CAMK1D: variants seen among roughly 807,000 people sequenced by gnomAD.
CAMK1D encodes calcium/calmodulin-dependent protein kinase type 1D.
CAMK1D carries 9 observed loss-of-function variants against 47.7 expected under a neutral mutation model. The observed-to-expected ratio is 0.19, with a 90% CI of 0.11 to 0.33. CAMK1D has a LOEUF of 0.33. Ranked by LOEUF, CAMK1D falls within the 10% of genes least tolerant of loss-of-function variation. The pLI is 1.00. For synonymous variants in CAMK1D, 184 were observed against 184.9 expected (o/e 0.99, Z 0.04); for missense variants, 291 against 488.7 (o/e 0.60, Z 3.81).
chr10:12,552,612 C>T (rs1417924486), intron 1 of CAMK1D, among the ~76,000 whole-genome samples: 1 of 152,212 alleles, frequency 6.6e-6, no homozygotes, highest in Admixed American at 6.5e-5. Flanking sequence ...CTTGTTGGCT[C>T]CAAAGTGACG....
At chr10:12,615,273 A>G (rs931066563) in intron 2 of CAMK1D, among the ~76,000 whole-genome samples, 2 of 152,214 alleles carry the variant, frequency 1.3e-5, no homozygotes, top group Non-Finnish European at 2.9e-5. Context: ...GGAATTCACT[A>G]TTTTTGACCC....
At chr10:12,682,526 G>C (rs1448736072) in intron 3 of CAMK1D, among the ~76,000 whole-genome samples, 1 of 152,192 alleles carries the variant, frequency 6.6e-6, no homozygotes, top group African/African-American at 2.4e-5. Flanking sequence ...TTACAATTCA[G>C]AATTTGCTCA....
chr10:12,727,997 C>G (rs540674847), intron 3 of CAMK1D, among the ~76,000 whole-genome samples: 1 of 152,146 alleles, frequency 6.6e-6, no homozygotes. Flanking sequence ...GACTCCTGAC[C>G]TCCAATGATC....
rs566585314 is a variant in CAMK1D at position 12,588,789 on chromosome 10, TACACAC to T, written c.224+35449_224+35454del. Among the ~76,000 whole-genome samples, 1,027 of 145,538 alleles carry T rather than the reference TACACAC, an allele frequency of 7.1e-3. 8 individuals carry two copies. Among genetic ancestry groups the T allele is most frequent in the Middle Eastern group, 0.049 (14 of 288 alleles). ...TTTAAAGTGCATATGTATATATATA[TACACAC>T]ACACACACACACACATACACACATG... On this transcript the variant is annotated intron_variant, in intron 2 of 10. Coordinates refer to ENST00000619168, the MANE Select transcript of CAMK1D (RefSeq NM_153498.4).
chr10:12,597,034 G>A (rs144858497), intron 2 of CAMK1D, among the ~76,000 whole-genome samples: 7 of 152,106 alleles, frequency 4.6e-5, no homozygotes, highest in African/African-American at 9.6e-5. Flanking sequence ...TTCATCCAAC[G>A]TTTATTGAGC....
At chr10:12,520,128 C>T (rs1293446354) in intron 1 of CAMK1D, among the ~76,000 whole-genome samples, 3 of 79,234 alleles carry the variant, frequency 3.8e-5, no homozygotes, top group Admixed American at 1.2e-4. Flanking sequence ...CTCCTCACTT[C>T]CCAGATGGGG....
chr10:12,815,915 G>T (rs1310102974), intron 7 of CAMK1D, among the ~76,000 whole-genome samples: 1 of 152,194 alleles, frequency 6.6e-6, no homozygotes, highest in Non-Finnish European at 1.5e-5. Flanking sequence ...GTTCTCTAAG[G>T]CAGTGATGGA....
intron 3 of CAMK1D, among the ~76,000 whole-genome samples, chr10:12,721,664 C>T (rs1252362474): frequency 1.3e-5 from 2 of 152,178 alleles, no homozygotes; most frequent in Non-Finnish European, 2.9e-5. Context: ...AGCTTATTAC[C>T]TAGCAGAGGG....
chr10:12,683,510 A>G (rs1230322546), intron 3 of CAMK1D, among the ~76,000 whole-genome samples: 1 of 152,126 alleles, frequency 6.6e-6, no homozygotes, highest in Non-Finnish European at 1.5e-5. Context: ...ACCGATGGAT[A>G]ATGTTACACT....
chr10:12,640,734 T>C lies in CAMK1D; in HGVS notation c.225-26002T>C, dbSNP rs554596108. Among the ~76,000 whole-genome samples, 4 of 152,132 alleles carry C rather than the reference T, an allele frequency of 2.6e-5. No individual in the cohort carries two copies. In the South Asian group the frequency reaches 6.2e-4, roughly 24 times the overall value. The stretch of plus-strand genomic sequence containing the variant: ...CTGACCGAAGCTGTCATCCGTGCCG[T>C]GCTGTGTGACATGTTGTGACCGAAT... On this transcript the variant is annotated intron_variant, in intron 2 of 10. Transcript: ENST00000619168.
chr10:12,596,175 C>T lies in CAMK1D; in HGVS notation c.224+42819C>T, dbSNP rs189904495. 4.3e-3 allele frequency among the ~76,000 whole-genome samples: 656 copies of T among 152,098 alleles called. 2 individuals carry two copies. The highest frequency in any genetic ancestry group is 0.01 in the Admixed American group (157 of 15,280). ...TTGGAGGAGGGGTTGAGTTTATCCC[C>T]CTTTAAAAGAGAAACTGTCGACAAA... is the stretch of plus-strand genomic sequence containing the variant. On this transcript the variant is annotated intron_variant, in intron 2 of 10. Coordinates refer to ENST00000619168, the MANE Select transcript of CAMK1D (RefSeq NM_153498.4).
chr10:12,512,611 G>A (rs17492690), intron 1 of CAMK1D, among the ~76,000 whole-genome samples: 31,390 of 152,008 alleles, frequency 0.21, 3,440 homozygotes, highest in African/African-American at 0.26. Context: ...TGGCTTCCAG[G>A]AATTAGACTC....
chr10:12,814,826 A>G (rs1027922956), intron 7 of CAMK1D, among the ~76,000 whole-genome samples: 2 of 152,202 alleles, frequency 1.3e-5, no homozygotes, highest in African/African-American at 4.8e-5. Context: ...CATGAGCTAC[A>G]TATTTGCGTT....
rs117201705 is a variant in CAMK1D, at chr10:12,362,092, A to G, written c.92+12182A>G. 9.8e-4 allele frequency among the ~76,000 whole-genome samples: 150 copies of G among 152,322 alleles called. 5 individuals carry two copies. In the East Asian group the frequency reaches 0.023, roughly 23 times the overall value. On this transcript the variant is annotated intron_variant, in intron 1 of 10. Transcript: ENST00000619168. ...ACAAAAAAGTGTGCTTAAAAAATAC[A>G]TAGTATAAAACTTGCCATCGTAACC...
intron 1 of CAMK1D, among the ~76,000 whole-genome samples, chr10:12,492,713 A>G (rs1834423628): frequency 6.6e-6 from 1 of 152,210 alleles, no homozygotes; most frequent in Admixed American, 6.5e-5. Flanking sequence ...GACACTCACC[A>G]TTTAAGGGCC....
In CAMK1D at chr10:12,785,481, A is replaced by G. The variant is rs367855022; in HGVS notation, c.566-5677A>G. 8.8e-4 allele frequency among the ~76,000 whole-genome samples: 134 copies of G among 152,312 alleles called. 1 individual carries two copies. In the South Asian group the frequency reaches 0.013, roughly 15 times the overall value. On this transcript the variant is annotated intron_variant, in intron 5 of 10. Transcript: ENST00000619168. The stretch of plus-strand genomic sequence containing the variant: ...CACGTGAATTCTGCTGCATACGATT[A>G]GAATACAATTTCTCCTTGACTAGGA...
chr10:12,376,506 T>C (rs996690647), intron 1 of CAMK1D, among the ~76,000 whole-genome samples: 6 of 151,932 alleles, frequency 3.9e-5, no homozygotes, highest in African/African-American at 1.5e-4. Context: ...GTCCAGGGAG[T>C]GCCGCCAGGG....
At chr10:12,693,301 G>T (rs1407734008) in intron 3 of CAMK1D, among the ~76,000 whole-genome samples, 1 of 152,048 alleles carries the variant, frequency 6.6e-6, no homozygotes, top group Admixed American at 6.6e-5. Flanking sequence ...GTAGGCAGAG[G>T]TCGCAGTGAG....
intron 3 of CAMK1D, among the ~76,000 whole-genome samples, chr10:12,729,999 C>G (rs1834819816): frequency 6.6e-6 from 1 of 152,166 alleles, no homozygotes; most frequent in African/African-American, 2.4e-5. Context: ...GGATGCAGAG[C>G]CGCTGGGAGA....
Sources: allele counts gnomAD v4.1 joint callset (sites outside exome capture counted in the v4.1 genomes callset), GRCh38; gene constraint gnomAD v4.1.1; transcripts MANE v1.5; gene names NCBI Gene and HGNC (gene_info 2026-07-23, HGNC 2026-07-21).